The following PPP1R12A variants were observed in gnomAD, a reference collection of about 807,000 sequenced individuals.
PPP1R12A encodes the protein myosin binding subunit.
A neutral mutation model predicts 139.6 loss-of-function variants in PPP1R12A; 19 were observed. The ratio of observed to expected loss-of-function variants is 0.14; its 90% CI spans 0.09 to 0.20. PPP1R12A has a LOEUF of 0.20. Among genes scored for constraint, PPP1R12A ranks in the 10% least tolerant of loss-of-function variants. PPP1R12A has a pLI of 1.00. For synonymous variants in PPP1R12A, 427 were observed against 420.6 expected, an observed-to-expected ratio of 1.02 and a Z score of -0.19; for missense variants, 925 against 1,211.5, an observed-to-expected ratio of 0.76 and a Z score of 3.51.
chr12:79,932,866 T>C (rs1032216189), intron 1 of PPP1R12A, among the ~76,000 whole-genome samples: 3 of 152,150 alleles, frequency 2.0e-5, no homozygotes, highest in Admixed American at 6.5e-5. Flanking sequence ...TCCACAACAA[T>C]AGTAACTTTA....
intron 18 of PPP1R12A, among the ~76,000 whole-genome samples, chr12:79,795,269 G>A (rs938673888): frequency 2.0e-5 from 3 of 152,078 alleles, no homozygotes; most frequent in African/African-American, 7.2e-5. Flanking sequence ...GAAGTAATCT[G>A]TAATGTAGAT....
chr12:79,795,430 A>G (rs1222960894), intron 18 of PPP1R12A, among the ~76,000 whole-genome samples: 1 of 152,180 alleles, frequency 6.6e-6, no homozygotes, highest in East Asian at 1.9e-4. Flanking sequence ...TAATTAGGTC[A>G]GAACCACTCC....
intron 1 of PPP1R12A, among the ~76,000 whole-genome samples, chr12:79,922,757 T>C (rs1887536486): frequency 6.6e-6 from 1 of 152,026 alleles, no homozygotes; most frequent in Admixed American, 6.5e-5. Flanking sequence ...AACCTAGATA[T>C]GAGTCGGTAA....
chr12:79,882,601 G>A (rs188900322), intron 1 of PPP1R12A, among the ~76,000 whole-genome samples: 2 of 152,304 alleles, frequency 1.3e-5, no homozygotes, highest in African/African-American at 4.8e-5. Context: ...GCAATAAAAG[G>A]TTTAGAAAAT....
At chr12:79,887,332 TAAGAA>T (rs757563994) in intron 1 of PPP1R12A, among the ~76,000 whole-genome samples, 4 of 152,238 alleles carry the variant, frequency 2.6e-5, no homozygotes, top group Admixed American at 6.5e-5. Context: ...TATAGTTCCT[TAAGAA>T]TAGAAACTGC....
chr12:79,822,388 TC>T (rs1565759874), intron 5 of PPP1R12A, among the ~76,000 whole-genome samples, 198 bp from the exon 6 acceptor site: 1 of 152,178 alleles, frequency 6.6e-6, no homozygotes, highest in East Asian at 1.9e-4. Context: ...TGAGAATATC[TC>T]CCCTTATTTT....
At chr12:79,809,771 A>G (rs1385800633) in intron 10 of PPP1R12A, 24 bp downstream of exon 10, 2 of 1,562,730 alleles carry the variant, frequency 1.3e-6, no homozygotes, top group African/African-American at 1.4e-5. Flanking sequence ...GTTTTCATAG[A>G]AACCAGACTG....
chr12:79,901,728 G>A (rs1885658225), intron 1 of PPP1R12A, among the ~76,000 whole-genome samples: 1 of 152,218 alleles, frequency 6.6e-6, no homozygotes, highest in African/African-American at 2.4e-5. Context: ...CTATGTGCCA[G>A]GCACTAGGAT....
At chr12:79,793,475 A>G (rs1319702836) in intron 19 of PPP1R12A, among the ~76,000 whole-genome samples, 2 of 152,132 alleles carry the variant, frequency 1.3e-5, no homozygotes, top group Non-Finnish European at 2.9e-5. Flanking sequence ...GATTTCCACT[A>G]CTTCTGATTA....
At chr12:79,810,353 G>A (rs939803360) in intron 9 of PPP1R12A, among the ~76,000 whole-genome samples, 3 of 152,116 alleles carry the variant, frequency 2.0e-5, no homozygotes, top group Non-Finnish European at 4.4e-5. Context: ...AACTTGTTAT[G>A]TTGTAACCTA....
Position 79,778,606 on chromosome 12 carries a change from TC to T in PPP1R12A, c.2956-7del. On this transcript the variant is annotated splice_polypyrimidine_tract_variant and splice_region_variant and intron_variant, in intron 23 of 24. Transcript: ENST00000450142. ...CTTTCTAGAGCTCTTCGTTCCTAGA[TC>T]GATTTAAGGTACCAATGTTAGTTAT... 1 of 1,517,644 alleles carries T rather than the reference TC, an allele frequency of 6.6e-7. No homozygotes were observed. The highest frequency in any genetic ancestry group is 2.4e-5 in the East Asian group (1 of 40,976). The allele number at this position is 1,517,644 out of a possible 1,614,324, so 94.0% of individuals were successfully genotyped here. A position where few individuals can be genotyped will look rare whatever the true frequency, so the allele number is the denominator to read the frequency against.
intron 20 of PPP1R12A, among the ~76,000 whole-genome samples, chr12:79,790,087 TAA>T (rs926671215): frequency 6.6e-6 from 1 of 152,108 alleles, no homozygotes; most frequent in Non-Finnish European, 1.5e-5. Context: ...GACACTTTTT[TAA>T]AAGTGTCTTC....
Position 79,872,899 on chromosome 12 carries a change from C to T in PPP1R12A, c.277G>A (p.Val93Ile), listed in dbSNP as rs1453821703. Residue 93 changes from valine (V) to isoleucine (I), a missense_variant, in exon 2 of 25, where the codon GTA becomes ATA. By Grantham distance (29) the Val-to-Ile change is conservative (BLOSUM62 3). This residue lies in a region of PPP1R12A where 199 missense variants were observed against 352.4 expected (regional missense o/e 0.56). Coordinates refer to ENST00000450142, the MANE Select transcript of PPP1R12A (RefSeq NM_002480.3). The stretch of plus-strand genomic sequence containing the variant: ...TGATTAATATTTGCTCCATTTTCTA[C>T]CAGAAACTTCACCATATCAACATTG... ...DDNVDMVKFL[V>I]ENGANINQPD... 1.2e-6 allele frequency: 2 copies of T among 1,613,140 alleles called. No individual in the cohort carries two copies. The highest frequency in any genetic ancestry group is 2.7e-5 in the African/African-American group (2 of 74,844).
intron 1 of PPP1R12A, among the ~76,000 whole-genome samples, chr12:79,899,236 ATATATATATATATATAT>A (rs1565805423): frequency 0.014 from 49 of 3,618 alleles, no homozygotes; most frequent in Admixed American, 0.03. Flanking sequence ...TCTTAAAAAT[ATATATATATATATATAT>A]ATATATATAT....
At chr12:79,799,316 T>G (rs1420903214) in intron 14 of PPP1R12A, among the ~76,000 whole-genome samples, 1 of 152,094 alleles carries the variant, frequency 6.6e-6, no homozygotes, top group East Asian at 1.9e-4. Context: ...GCCCGACTAA[T>G]TTTTTTATTT....
At chr12:79,837,444 T>C (rs1878218600) in intron 3 of PPP1R12A, among the ~76,000 whole-genome samples, 1 of 152,174 alleles carries the variant, frequency 6.6e-6, no homozygotes, top group South Asian at 2.1e-4. Context: ...TCAAATGTAC[T>C]GGAATAAGAA....
Position 79,788,720 on chromosome 12 carries a change from T to A in PPP1R12A, c.2730A>T (p.Ser910=), listed in dbSNP as rs760021090. ...RYDSLLGRSG[S]YSYLEERKPY... is the part of the protein sequence containing the mutation. ...GTTTTCTTTCTTCTAAGTAACTGTA[T>A]GATCCAGAGCGACCCAGCAAGGAAT... The change falls in exon 21 of 25, where the codon TCA becomes TCT. Residue 910 remains serine (S), a synonymous_variant. Transcript: ENST00000450142. 1 of 1,613,480 alleles carries A rather than the reference T, an allele frequency of 6.2e-7. No individual in the cohort carries two copies. Among genetic ancestry groups the A allele is most frequent in the East Asian group, 2.2e-5 (1 of 44,814 alleles).
Position 79,808,573 on chromosome 12 carries a change from T to C in PPP1R12A, c.1460A>G (p.Lys487Arg), listed in dbSNP as rs762951781. ...SSSLDNKEKE[K>R]DSKGTRLAYV... is the part of the protein sequence containing the mutation. ...TGCAAGCCTAGTTCCTTTACTATCT[T>C]TCTCCTACACAACAGGGAAAAAAAT... Residue 487 changes from lysine to arginine, a missense_variant, in exon 11 of 25, where the codon AAA (lysine) becomes AGA (arginine). By Grantham distance (26) the Lys-to-Arg change is conservative (BLOSUM62 2). This residue lies in a region of PPP1R12A where 403 missense variants were observed against 463.7 expected (regional missense o/e 0.87). Coordinates refer to ENST00000450142, the MANE Select transcript of PPP1R12A (RefSeq NM_002480.3). 1.9e-6 allele frequency: 3 copies of C among 1,592,690 alleles called. No homozygotes were observed. The highest frequency in any genetic ancestry group is 2.6e-6 in the Non-Finnish European group (3 of 1,162,904).
At chr12:79,835,086 A>C (rs1372418712) in intron 3 of PPP1R12A, among the ~76,000 whole-genome samples, 1 of 152,082 alleles carries the variant, frequency 6.6e-6, no homozygotes, top group Non-Finnish European at 1.5e-5. Context: ...ACCTGGGAGA[A>C]ATGGGCTGAA....
Sources: allele counts gnomAD v4.1 joint callset (sites outside exome capture counted in the v4.1 genomes callset), GRCh38; gene constraint gnomAD v4.1.1; regional missense constraint gnomAD v4.1.1; transcripts MANE v1.5; gene names NCBI Gene and HGNC (gene_info 2026-07-23, HGNC 2026-07-21).